Variants in PRKCZ observed in about 807,000 individuals in gnomAD.
PRKCZ encodes protein kinase C zeta type.
A neutral mutation model predicts 79.5 loss-of-function variants in PRKCZ; 33 were observed. The ratio of observed to expected loss-of-function variants is 0.41; its 90% confidence interval spans 0.31 to 0.55. The LOEUF (loss-of-function observed/expected upper bound fraction) is 0.55. PRKCZ is among the 20% of genes least tolerant of loss of function. The pLI, the probability that PRKCZ is intolerant of heterozygous loss-of-function variation, is 0.19. For missense variants in PRKCZ, 578 were observed against 813.5 expected (o/e 0.71, Z 3.52); for synonymous variants, 342 against 320.9 (o/e 1.07, Z -0.70).
intron 3 of PRKCZ, among the ~76,000 whole-genome samples, chr1:2,058,414 G>A (rs1444941158): frequency 6.6e-6 from 1 of 151,828 alleles, no homozygotes; most frequent in Non-Finnish European, 1.5e-5. Flanking sequence ...GGAGGTAGAG[G>A]CTACAGTGAA....
chr1:2,102,476 G>A (rs1157202917), intron 4 of PRKCZ, among the ~76,000 whole-genome samples: 1 of 151,820 alleles, frequency 6.6e-6, no homozygotes, highest in Non-Finnish European at 1.5e-5. Flanking sequence ...GGGAGTACAG[G>A]CGCCCACCAC....
At chr1:2,074,095 C>T (rs1265624093) in intron 4 of PRKCZ, 50 of 1,499,736 alleles carry the variant, frequency 3.3e-5, no homozygotes, top group African/African-American at 6.9e-5. Context: ...GGCAGCAACA[C>T]GGCTGGTGCC....
intron 4 of PRKCZ, among the ~76,000 whole-genome samples, chr1:2,113,465 C>T (rs938661830): frequency 6.6e-6 from 1 of 152,070 alleles, no homozygotes; most frequent in Non-Finnish European, 1.5e-5. Flanking sequence ...AGGTGGAAGC[C>T]AGCAGGTGAG....
At chr1:2,158,853 C>T (rs985206745) in intron 10 of PRKCZ, among the ~76,000 whole-genome samples, 19 of 152,086 alleles carry the variant, frequency 1.2e-4, no homozygotes, top group Admixed American at 1.0e-3. Context: ...ATCCCCGCAG[C>T]GGCACCAATC....
intron 4 of PRKCZ, among the ~76,000 whole-genome samples, chr1:2,112,729 G>A (rs976268356): frequency 2.0e-5 from 3 of 149,976 alleles, no homozygotes; most frequent in Admixed American, 6.6e-5. Context: ...TGCTCTTGTC[G>A]CCCAGGCTGG....
intron 4 of PRKCZ, among the ~76,000 whole-genome samples, chr1:2,061,260 C>T (rs576431031): frequency 6.6e-6 from 1 of 152,332 alleles, no homozygotes; most frequent in East Asian, 1.9e-4. Flanking sequence ...ACATGTCTGC[C>T]TCTTGTCTCA....
intron 16 of PRKCZ, among the ~76,000 whole-genome samples, chr1:2,176,801 C>T (rs1685583770): frequency 6.6e-6 from 1 of 152,158 alleles, no homozygotes; most frequent in Admixed American, 6.5e-5. Context: ...ATGTGTGGGA[C>T]CGTGGGGGAA....
At chr1:2,122,912 C>T (rs796463874) in intron 4 of PRKCZ, among the ~76,000 whole-genome samples, 2 of 1,314 alleles carry the variant, frequency 1.5e-3, no homozygotes, top group African/African-American at 7.6e-3. Flanking sequence ...GTTAGGGTCA[C>T]GGTGGTGGTT....
intron 4 of PRKCZ, among the ~76,000 whole-genome samples, chr1:2,061,366 G>A (rs1660660321): frequency 1.3e-5 from 2 of 151,936 alleles, no homozygotes; most frequent in African/African-American, 4.8e-5. Context: ...GCGTAGGGAA[G>A]GGAGGCCCGC....
In PRKCZ at chr1:2,172,479, C is replaced by A; in HGVS notation, c.1285+91C>A. ...AGCAGCCAGGGAGAGGTGTCCTTGA[C>A]CATCTTACACCCAAAAGCCACACAC... On this transcript the variant is annotated intron_variant, in intron 13 of 17. Transcript: ENST00000378567. The surrounding 1 kb of genome is among the most constrained non-coding windows in gnomAD (Gnocchi z 7.8). The A allele has an allele frequency of 7.6e-7, 1 of 1,309,676 alleles. No individual in the cohort carries two copies. Among genetic ancestry groups the A allele is most frequent in the Non-Finnish European group, 1.0e-6 (1 of 961,612 alleles). 81.1% of individuals were successfully genotyped at this position (1,309,676 alleles called of 1,614,324 possible).
intron 10 of PRKCZ, among the ~76,000 whole-genome samples, chr1:2,161,436 G>A (rs1042264212): frequency 1.3e-5 from 2 of 152,176 alleles, no homozygotes; most frequent in African/African-American, 2.4e-5. Context: ...GGACAGCTGC[G>A]CATGCATCCT....
At chr1:2,175,344 C>T (rs370217113) in intron 16 of PRKCZ, 31 bp downstream of exon 16, 33 of 1,567,604 alleles carry the variant, frequency 2.1e-5, no homozygotes, top group Non-Finnish European at 2.6e-5. Flanking sequence ...TTTGCACCCC[C>T]ATCCCCATCC....
intron 9 of PRKCZ, among the ~76,000 whole-genome samples, chr1:2,151,920 C>T (rs1487569590): frequency 6.6e-6 from 1 of 152,152 alleles, no homozygotes; most frequent in Non-Finnish European, 1.5e-5. Context: ...CCTCCACCTC[C>T]TCCTGCAGCC....
chr1:2,071,646 C>A, intron 4 of PRKCZ: 1 of 182,404 alleles, frequency 5.5e-6, no homozygotes. Context: ...TCCTAGAGTT[C>A]TGCAAAGCTG....
Position 2,174,704 on chromosome 1 carries a change from G to A in PRKCZ, c.1406-50G>A. On this transcript the variant is annotated intron_variant, in intron 14 of 17. Coordinates refer to ENST00000378567, the MANE Select transcript of PRKCZ (RefSeq NM_002744.6). The surrounding 1 kb of genome is among the most constrained non-coding windows in gnomAD (Gnocchi z 6.2). ...AGAGTCAGAGTCTGGGCGGCACTGG[G>A]CAAATGGCACACAACACAGGCAAGT... The A allele has an allele frequency of 6.3e-7, 1 of 1,584,102 alleles. No individual in the cohort carries two copies. Among genetic ancestry groups the A allele is most frequent in the Non-Finnish European group, 8.7e-7 (1 of 1,154,652 alleles).
chr1:2,072,591 G>A (rs1033958304), intron 4 of PRKCZ, among the ~76,000 whole-genome samples: 2 of 152,212 alleles, frequency 1.3e-5, no homozygotes, highest in South Asian at 2.1e-4. Flanking sequence ...CTGTGACCTG[G>A]GGAGGCCCCT....
chr1:2,099,427 A>G (rs908739), intron 4 of PRKCZ, among the ~76,000 whole-genome samples: 5,617 of 150,828 alleles, frequency 0.037, 341 homozygotes, highest in African/African-American at 0.12. Context: ...AAGCGGGCTC[A>G]CTGTGCAGAC....
intron 4 of PRKCZ, among the ~76,000 whole-genome samples, chr1:2,100,390 C>T (rs531053539): frequency 2.5e-4 from 38 of 152,368 alleles, no homozygotes; most frequent in Non-Finnish European, 5.1e-4. Flanking sequence ...GAGGCCCCAG[C>T]TGCCCCTTCC....
intron 8 of PRKCZ, 55 bp from the exon 9 acceptor site, chr1:2,150,735 T>G (rs895577178): frequency 2.2e-5 from 34 of 1,541,210 alleles, no homozygotes; most frequent in Non-Finnish European, 2.9e-5. Context: ...CGTGGTCCTC[T>G]GAGTCTCCCG....
Sources: allele counts gnomAD v4.1 joint callset (sites outside exome capture counted in the v4.1 genomes callset), GRCh38; gene constraint gnomAD v4.1.1; non-coding constraint Gnocchi (gnomAD v3.1); transcripts MANE v1.5; gene names NCBI Gene and HGNC (gene_info 2026-07-23, HGNC 2026-07-21).